The following KLF12 variants were observed in gnomAD, a reference collection of about 807,000 sequenced individuals.
KLF12 encodes Krueppel-like factor 12.
In KLF12, 9 loss-of-function variants were observed where a neutral mutation model predicts 37.8. The ratio of observed to expected loss-of-function variants is 0.24; its 90% confidence interval spans 0.14 to 0.42. The LOEUF (loss-of-function observed/expected upper bound fraction) is 0.42. Ranked by LOEUF, KLF12 falls within the 10% of genes least tolerant of loss-of-function variation. The pLI, the probability that KLF12 is intolerant of heterozygous loss-of-function variation, is 1.00. For missense variants in KLF12, 411 were observed against 516.0 expected, an observed-to-expected ratio of 0.80 and a Z score of 1.97; for synonymous variants, 208 against 202.1, an observed-to-expected ratio of 1.03 and a Z score of -0.25.
At chr13:74,172,651 C>CATCATCACAGA in the KLF12 span, among the ~76,000 whole-genome samples, 1 of 152,086 alleles carries the variant, frequency 6.6e-6, no homozygotes, top group African/African-American at 2.4e-5. Context: ...GTAGTGAAAC[C>CATCATCACAGA]TTTATCTGAA....
At chr13:74,058,451 G>T (rs998416118) in intron 1 of KLF12, among the ~76,000 whole-genome samples, 6 of 147,880 alleles carry the variant, frequency 4.1e-5, no homozygotes, top group African/African-American at 1.5e-4. Context: ...CCGCCTCCGG[G>T]TTCACGCCGT....
chr13:73,842,243 C>T (rs1210433586), intron 4 of KLF12, among the ~76,000 whole-genome samples: 3 of 152,186 alleles, frequency 2.0e-5, no homozygotes, highest in Non-Finnish European at 4.4e-5. Flanking sequence ...AACATGACAT[C>T]CTACATGAAA....
At chr13:73,754,935 G>A (rs573496829) in intron 6 of KLF12, among the ~76,000 whole-genome samples, 2 of 152,116 alleles carry the variant, frequency 1.3e-5, no homozygotes, top group Admixed American at 1.3e-4. Flanking sequence ...TCACATGGTT[G>A]CCTTTAGCCT....
intron 7 of KLF12, among the ~76,000 whole-genome samples, chr13:73,699,667 T>C (rs149503117): frequency 3.8e-4 from 58 of 152,332 alleles, no homozygotes; most frequent in East Asian, 1.9e-3. Flanking sequence ...CTGTGAACAC[T>C]GATGAGTTAC....
rs1260579527 is a variant in KLF12 at position 73,971,033 on chromosome 13, AT to A, written c.33+23956del. On this transcript the variant is annotated intron_variant, in intron 2 of 7. Transcript: ENST00000377669. ...AGTTGTCAGTAGTTTTCAAAGTTAAATTTTTATGGATTTTTAAGTGTTAAAA... is the reference window on the plus strand; with the variant it reads ...AGTTGTCAGTAGTTTTCAAAGTTAAATTTTATGGATTTTTAAGTGTTAAAA... 2.6e-5 allele frequency among the ~76,000 whole-genome samples: 4 copies of A among 152,308 alleles called. No individual in the cohort carries two copies. The South Asian group carries it at 6.2e-4, about 24-fold the overall frequency.
chr13:74,168,533 T>A, the KLF12 span, among the ~76,000 whole-genome samples: 1 of 152,202 alleles, frequency 6.6e-6, no homozygotes, highest in Non-Finnish European at 1.5e-5. Context: ...ACCATGTGCC[T>A]CTTGGTGAAA....
chr13:74,060,013 G>C (rs996786992), intron 1 of KLF12, among the ~76,000 whole-genome samples: 2 of 152,182 alleles, frequency 1.3e-5, no homozygotes, highest in East Asian at 1.9e-4. Flanking sequence ...TTGTTGAATA[G>C]AGTGCCACTT....
At chr13:74,116,893 A>C (rs1877337094) in intron 1 of KLF12, among the ~76,000 whole-genome samples, 1 of 152,186 alleles carries the variant, frequency 6.6e-6, no homozygotes, top group Non-Finnish European at 1.5e-5. Flanking sequence ...ATACCAGGGA[A>C]CCAAGATAAT....
chr13:74,153,449 G>A, the KLF12 span, among the ~76,000 whole-genome samples: 5 of 152,168 alleles, frequency 3.3e-5, no homozygotes, highest in Admixed American at 2.6e-4. Context: ...AGCTGGTCCA[G>A]CCTGGACTTG....
At chr13:74,071,399 G>A (rs1874227136) in intron 1 of KLF12, among the ~76,000 whole-genome samples, 1 of 152,082 alleles carries the variant, frequency 6.6e-6, no homozygotes, top group African/African-American at 2.4e-5. Flanking sequence ...TTTAAGAAAT[G>A]ACTGGGGCCG....
chr13:73,838,003 G>A (rs1301292787), intron 4 of KLF12, among the ~76,000 whole-genome samples: 2 of 152,146 alleles, frequency 1.3e-5, no homozygotes, highest in African/African-American at 4.8e-5. Context: ...GAAATCTCTA[G>A]CAACTGAGTA....
chr13:73,806,669 GAA>G (rs1020028455), intron 5 of KLF12, among the ~76,000 whole-genome samples: 1 of 147,100 alleles, frequency 6.8e-6, no homozygotes, highest in Non-Finnish European at 1.5e-5. Flanking sequence ...AAAAAAGAAA[GAA>G]AAGAAAACTT....
chr13:73,977,235 G>C (rs1891553894), intron 2 of KLF12, among the ~76,000 whole-genome samples: 1 of 151,818 alleles, frequency 6.6e-6, no homozygotes, highest in Non-Finnish European at 1.5e-5. Context: ...TGTAGAGATG[G>C]GGTTTCACCA....
the KLF12 span, among the ~76,000 whole-genome samples, chr13:74,269,295 T>G: frequency 6.6e-6 from 1 of 152,224 alleles, no homozygotes; most frequent in Admixed American, 6.5e-5. Flanking sequence ...TCTCTCTCTC[T>G]CTTTGTATAT....
the KLF12 span, among the ~76,000 whole-genome samples, chr13:74,204,016 A>C: frequency 2.6e-5 from 4 of 152,304 alleles, no homozygotes; most frequent in South Asian, 2.1e-4. Context: ...GAAACTCCAC[A>C]AAAGCACAAA....
At chr13:73,988,785 C>T (rs1891891631) in intron 2 of KLF12, among the ~76,000 whole-genome samples, 1 of 152,194 alleles carries the variant, frequency 6.6e-6, no homozygotes, top group South Asian at 2.1e-4. Context: ...TAAAGCTAAA[C>T]TGACTATACT....
At chr13:73,891,909 A>G (rs1004587813) in intron 3 of KLF12, among the ~76,000 whole-genome samples, 1 of 152,164 alleles carries the variant, frequency 6.6e-6, no homozygotes, top group Non-Finnish European at 1.5e-5. Flanking sequence ...AACAAAAAGT[A>G]ACATTGTATC....
rs74670604 is a variant in KLF12 at position 73,881,708 on chromosome 13, A to G, written c.124-35335T>C. On this transcript the variant is annotated intron_variant, in intron 3 of 7. Coordinates refer to ENST00000377669, the MANE Select transcript of KLF12 (RefSeq NM_007249.5). ...AGTTGTTTATCAGATAGAGCTAAAA[A>G]GTACCCGCTGTATGCAAAGCCTAAT... Among the ~76,000 whole-genome samples the G allele has an allele frequency of 6.3e-3, 958 of 152,330 alleles. 9 individuals are homozygous for G. The highest frequency in any genetic ancestry group is 0.021 in the African/African-American group (890 of 41,586).
chr13:73,853,250 TTA>T (rs1885431315), intron 3 of KLF12, among the ~76,000 whole-genome samples: 1 of 152,236 alleles, frequency 6.6e-6, no homozygotes, highest in Non-Finnish European at 1.5e-5. Context: ...TAAAGTTCTC[TTA>T]CTTCCTAATA....
Sources: allele counts gnomAD v4.1 joint callset (sites outside exome capture counted in the v4.1 genomes callset), GRCh38; gene constraint gnomAD v4.1.1; transcripts MANE v1.5; gene names NCBI Gene and HGNC (gene_info 2026-07-23, HGNC 2026-07-21).